The following KLHL1 variants were observed in gnomAD, a reference collection of about 807,000 sequenced individuals.
KLHL1 encodes kelch like family member 1.
A neutral mutation model predicts 77.7 loss-of-function variants in KLHL1; 47 were observed. The observed-to-expected ratio is 0.60, with a 90% CI of 0.48 to 0.77. KLHL1 has a LOEUF of 0.77. Ranked by LOEUF, KLHL1 falls within the 30% of genes least tolerant of loss-of-function variation. The pLI is 0.00. For synonymous variants in KLHL1, 360 were observed against 325.2 expected, an observed-to-expected ratio of 1.11 and a Z score of -1.15; for missense variants, 925 against 910.8, an observed-to-expected ratio of 1.02 and a Z score of -0.20.
chr13:69,837,326 G>A (rs916908097), intron 6 of KLHL1, among the ~76,000 whole-genome samples: 4 of 151,478 alleles, frequency 2.6e-5, no homozygotes, highest in Non-Finnish European at 5.9e-5. Flanking sequence ...ATAGGGTTAA[G>A]CTCAAGTAAA....
chr13:69,871,701 C>T (rs556542075), intron 5 of KLHL1, among the ~76,000 whole-genome samples: 20 of 151,956 alleles, frequency 1.3e-4, no homozygotes, highest in African/African-American at 4.8e-4. Flanking sequence ...CAGAAAACCC[C>T]AGAACATGGA....
At chr13:70,065,187 GA>G (rs1008920980) in intron 1 of KLHL1, among the ~76,000 whole-genome samples, 5 of 152,016 alleles carry the variant, frequency 3.3e-5, no homozygotes, top group African/African-American at 1.2e-4. Context: ...TGTGACTGTA[GA>G]AAAAAATATT....
chr13:70,085,025 C>T (rs1887499378), intron 1 of KLHL1, among the ~76,000 whole-genome samples: 2 of 151,990 alleles, frequency 1.3e-5, no homozygotes, highest in Admixed American at 6.6e-5. Context: ...CCATTGATGA[C>T]ATGAATATGG....
At chr13:69,987,081 T>C (rs1171068854) in intron 1 of KLHL1, among the ~76,000 whole-genome samples, 1 of 152,010 alleles carries the variant, frequency 6.6e-6, no homozygotes, top group African/African-American at 2.4e-5. Context: ...AAATTTATTA[T>C]ATATCATCTA....
chr13:69,732,747 G>A, intron 8 of KLHL1, among the ~76,000 whole-genome samples: 1 of 151,816 alleles, frequency 6.6e-6, no homozygotes. Flanking sequence ...GACACACCTA[G>A]TTTGCGGTTT....
At chr13:69,785,442 G>A (rs1876484488) in intron 7 of KLHL1, among the ~76,000 whole-genome samples, 1 of 152,122 alleles carries the variant, frequency 6.6e-6, no homozygotes, top group African/African-American at 2.4e-5. Flanking sequence ...AAATAAAGAT[G>A]TTCTTTGAAA....
At chr13:69,881,357 G>A (rs1880981147) in intron 5 of KLHL1, among the ~76,000 whole-genome samples, 1 of 151,754 alleles carries the variant, frequency 6.6e-6, no homozygotes, top group South Asian at 2.1e-4. Flanking sequence ...CTAATTCTCT[G>A]TTTTATATTT....
chr13:69,743,824 G>GAA lies in KLHL1; in HGVS notation c.1640-3270_1640-3269dup, dbSNP rs10608243. Among the ~76,000 whole-genome samples the GAA allele has an allele frequency of 9.1e-3, 1,232 of 134,776 alleles. 14 individuals carry two copies. Among genetic ancestry groups the GAA allele is most frequent in the African/African-American group, 0.03 (1,126 of 37,520 alleles). The allele number at this position is 134,776 out of a possible 152,430, so 88.4% of individuals were successfully genotyped here. ...AAAAACAAAACAAAACAAAAAAACA[G>GAA]AAAAAAAAAAAAAACAGAAGAAAGA... On this transcript the variant is annotated intron_variant, in intron 7 of 10. Coordinates refer to ENST00000377844, the MANE Select transcript of KLHL1 (RefSeq NM_020866.3).
intron 1 of KLHL1, among the ~76,000 whole-genome samples, chr13:70,066,254 T>A (rs145602663): frequency 6.6e-6 from 1 of 152,142 alleles, no homozygotes; most frequent in African/African-American, 2.4e-5. Context: ...TAAGCAAGGG[T>A]AAAGTTACTA....
chr13:70,055,891 CAGAA>C (rs952465274), intron 1 of KLHL1, among the ~76,000 whole-genome samples: 6 of 151,584 alleles, frequency 4.0e-5, no homozygotes, highest in African/African-American at 1.5e-4. Flanking sequence ...AAAAGGAAGA[CAGAA>C]AGAAAGGGGG....
At chr13:69,760,542 A>G (rs1473356580) in intron 7 of KLHL1, among the ~76,000 whole-genome samples, 2 of 151,844 alleles carry the variant, frequency 1.3e-5, no homozygotes, top group African/African-American at 2.4e-5. Flanking sequence ...TTTAGTAGAG[A>G]CAGGGTTTCA....
At chr13:69,994,258 G>C (rs577181218) in intron 1 of KLHL1, among the ~76,000 whole-genome samples, 3 of 152,174 alleles carry the variant, frequency 2.0e-5, no homozygotes, top group African/African-American at 7.2e-5. Flanking sequence ...AATGAGGCCT[G>C]GTTGGGTAGG....
At chr13:69,978,956 T>G (rs1180762114) in intron 1 of KLHL1, among the ~76,000 whole-genome samples, 1 of 151,940 alleles carries the variant, frequency 6.6e-6, no homozygotes, top group Non-Finnish European at 1.5e-5. Flanking sequence ...GAAATAGAGC[T>G]TGGTGAGACC....
intron 4 of KLHL1, among the ~76,000 whole-genome samples, chr13:69,939,391 GCA>G (rs1883295051): frequency 2.1e-5 from 1 of 47,490 alleles, no homozygotes; most frequent in Non-Finnish European, 4.2e-5. Context: ...ACACACACAC[GCA>G]CACACATACA....
At chr13:69,913,660 C>T (rs1159758877) in intron 4 of KLHL1, among the ~76,000 whole-genome samples, 1 of 152,170 alleles carries the variant, frequency 6.6e-6, no homozygotes. Flanking sequence ...ACAGACAACA[C>T]ATTTGACACT....
At chr13:69,899,457 C>T (rs984919313) in intron 4 of KLHL1, among the ~76,000 whole-genome samples, 5 of 152,154 alleles carry the variant, frequency 3.3e-5, no homozygotes, top group South Asian at 2.1e-4. Flanking sequence ...CTCAATCTTA[C>T]GGTCTTAAGT....
At position 69,740,484 on chromosome 13, in the gene KLHL1, T is replaced by TC. The variant is rs1350387544; in HGVS notation, c.1711dup (p.Glu571GlyfsTer39). ...TTGTTGACTCTGTGGATCCCACCTT[T>TC]CCACTGTATTCAGATAGCTCCAGCC... is the stretch of plus-strand genomic sequence containing the variant. On this transcript the variant is annotated frameshift_variant, in exon 8 of 11. Coordinates refer to ENST00000377844, the MANE Select transcript of KLHL1 (RefSeq NM_020866.3). LOFTEE classifies it high-confidence loss of function. 6.2e-7 allele frequency: 1 copy of TC among 1,612,966 alleles called. No individual in the cohort carries two copies. The highest frequency in any genetic ancestry group is 1.3e-5 in the African/African-American group (1 of 74,930).
At chr13:69,829,996 TC>T (rs1878698364) in intron 6 of KLHL1, among the ~76,000 whole-genome samples, 1 of 149,104 alleles carries the variant, frequency 6.7e-6, no homozygotes, top group South Asian at 2.1e-4. Context: ...AAATAGAACC[TC>T]CTTAAAGCAT....
intron 4 of KLHL1, among the ~76,000 whole-genome samples, chr13:69,927,128 G>A (rs1037625075): frequency 1.3e-5 from 2 of 151,906 alleles, no homozygotes; most frequent in Non-Finnish European, 2.9e-5. Context: ...ATTGATCTTG[G>A]TGAAAATTCC....
Sources: gnomAD v4.1 joint callset for allele counts (sites outside exome capture counted in the v4.1 genomes callset) on GRCh38, gnomAD v4.1.1 for gene constraint, MANE v1.5 for transcripts, NCBI Gene and HGNC (gene_info 2026-07-23, HGNC 2026-07-21) for gene names.